Variants in GRB10 observed in about 807,000 individuals in gnomAD.
GRB10 encodes growth factor receptor bound protein 10, also known as growth factor receptor-bound protein 10.
A neutral mutation model predicts 80.9 loss-of-function variants in GRB10; 20 were observed. That is an observed-to-expected ratio of 0.25 (90% CI 0.17 to 0.36). GRB10 has a LOEUF of 0.36. Ranked by LOEUF, GRB10 falls within the 10% of genes least tolerant of loss-of-function variation. The probability of loss-of-function intolerance (pLI) is 1.00; values close to 1 mark genes in which losing one functional copy is unlikely to be tolerated. For missense variants in GRB10, 548 were observed against 747.7 expected (o/e 0.73, Z 3.12); for synonymous variants, 291 against 291.5 (o/e 1.00, Z 0.02).
intron 3 of GRB10, among the ~76,000 whole-genome samples, chr7:50,754,130 C>T: frequency 6.6e-6 from 1 of 152,212 alleles, no homozygotes; most frequent in Non-Finnish European, 1.5e-5. Flanking sequence ...CGCAGGGCTG[C>T]CTTCCTGAAG....
In GRB10 at chr7:50,592,502, C is replaced by T. The variant is rs1378240399; in HGVS notation, c.*450G>A. On this transcript the variant is annotated 3_prime_UTR_variant, in exon 19 of 19. Transcript: ENST00000401949. ...CTGTATTATATGAGTTGAAACGCCA[C>T]ATCCCCCTCCTACAATAGGCTGAAT... The T allele has an allele frequency of 4.6e-6, 1 of 216,058 alleles. No homozygotes were observed. The highest frequency in any genetic ancestry group is 9.4e-6 in the Non-Finnish European group (1 of 105,844). 13.4% of individuals were successfully genotyped at this position (216,058 alleles called of 1,614,324 possible).
intron 4 of GRB10, among the ~76,000 whole-genome samples, chr7:50,725,707 C>T (rs969516105): frequency 1.3e-5 from 2 of 152,262 alleles, no homozygotes; most frequent in Non-Finnish European, 2.9e-5. Flanking sequence ...GGGATTTAAC[C>T]CCCATGATAA....
chr7:50,784,806 C>T (rs1235933648), upstream of GRB10, among the ~76,000 whole-genome samples: 1 of 152,186 alleles, frequency 6.6e-6, no homozygotes, highest in Non-Finnish European at 1.5e-5. Context: ...GAGATGAAGC[C>T]TGATGATATA....
intron 2 of GRB10, among the ~76,000 whole-genome samples, chr7:50,774,268 A>C (rs2077349373): frequency 6.6e-6 from 1 of 152,246 alleles, no homozygotes; most frequent in Non-Finnish European, 1.5e-5. Flanking sequence ...TTGTTCTAAA[A>C]TTGACTATGG....
At chr7:50,600,031 C>A (rs1317240215) in intron 17 of GRB10, among the ~76,000 whole-genome samples, 2 of 152,144 alleles carry the variant, frequency 1.3e-5, no homozygotes. Context: ...GCCACAGCAC[C>A]AAATAAAGCC....
At chr7:50,617,701 C>T (rs151084138) in intron 10 of GRB10, among the ~76,000 whole-genome samples, 19 of 152,294 alleles carry the variant, frequency 1.2e-4, no homozygotes, top group African/African-American at 1.9e-4. Context: ...AGCAGCTAGG[C>T]GGTGGCCTGA....
At chr7:50,703,690 T>C (rs2064569238) in intron 5 of GRB10, 131 bp downstream of exon 5, 1 of 692,140 alleles carries the variant, frequency 1.4e-6, no homozygotes, top group Non-Finnish European at 2.6e-6. Flanking sequence ...TCACTGTCCT[T>C]AATGAGAAAA....
chr7:50,714,611 C>T (rs541138845), intron 4 of GRB10, among the ~76,000 whole-genome samples: 2 of 151,638 alleles, frequency 1.3e-5, no homozygotes, highest in Non-Finnish European at 2.9e-5. Flanking sequence ...TGCAGTGAGC[C>T]GAGATTGCAC....
At chr7:50,630,028 G>A (rs1248114372) in intron 7 of GRB10, among the ~76,000 whole-genome samples, 2 of 152,226 alleles carry the variant, frequency 1.3e-5, no homozygotes, top group Admixed American at 6.5e-5. Flanking sequence ...CACCAGGAAA[G>A]GTGAGAAGCT....
intron 4 of GRB10, among the ~76,000 whole-genome samples, chr7:50,724,802 G>A (rs955216580): frequency 6.6e-5 from 10 of 152,204 alleles, no homozygotes; most frequent in African/African-American, 2.4e-4. Context: ...AGGCCAGAAG[G>A]GAGCACAGTC....
chr7:50,618,067 G>T lies in GRB10; in HGVS notation c.846+4C>A. ...TTCAGCAGAGATCTATTGTGGCCCAGTACCTGCAAAAGCTGGGTTTGACTG... is the reference window on the plus strand; with the variant it reads ...TTCAGCAGAGATCTATTGTGGCCCATTACCTGCAAAAGCTGGGTTTGACTG... On this transcript the variant is annotated splice_donor_region_variant and intron_variant, in intron 10 of 18. Transcript: ENST00000401949. The T allele has an allele frequency of 6.2e-7, 1 of 1,609,772 alleles. No individual in the cohort carries two copies. Among genetic ancestry groups the T allele is most frequent in the Non-Finnish European group, 8.5e-7 (1 of 1,176,026 alleles).
At chr7:50,627,847 C>T (rs956608747) in intron 7 of GRB10, among the ~76,000 whole-genome samples, 3 of 152,254 alleles carry the variant, frequency 2.0e-5, no homozygotes, top group African/African-American at 7.2e-5. Context: ...GTTTCCGTCT[C>T]TCCCCACTGT....
chr7:50,693,988 C>T (rs1478894016), intron 5 of GRB10, among the ~76,000 whole-genome samples: 1 of 151,820 alleles, frequency 6.6e-6, no homozygotes, highest in Non-Finnish European at 1.5e-5. Flanking sequence ...TGGGCAGAGA[C>T]TCTGCAATGC....
Position 50,608,157 on chromosome 7 carries a change from C to T in GRB10, c.1195-1743G>A, listed in dbSNP as rs552413308. 8.5e-5 allele frequency among the ~76,000 whole-genome samples: 13 copies of T among 152,188 alleles called. No individual in the cohort carries two copies. The South Asian group carries it at 2.7e-3, about 32-fold the overall frequency. ...ATTCAGGGTGTAGGATAAGTAAGCCCGCTCCGAGCATATATCATGGAAAAA... is the reference window on the plus strand; with the variant it reads ...ATTCAGGGTGTAGGATAAGTAAGCCTGCTCCGAGCATATATCATGGAAAAA... On this transcript the variant is annotated intron_variant, in intron 13 of 18. Coordinates refer to ENST00000401949, the MANE Select transcript of GRB10 (RefSeq NM_001350814.2).
At chr7:50,683,276 T>C (rs1270743722) in intron 5 of GRB10, among the ~76,000 whole-genome samples, 1 of 152,154 alleles carries the variant, frequency 6.6e-6, no homozygotes, top group African/African-American at 2.4e-5. Context: ...TTCCTAGAGA[T>C]AGTGGAATGG....
intron 5 of GRB10, 95 bp downstream of exon 5, chr7:50,703,726 C>G: frequency 1.2e-6 from 1 of 848,018 alleles, no homozygotes; most frequent in Non-Finnish European, 2.0e-6. Context: ...GAATTGTAAT[C>G]TATTAGTGTC....
At chr7:50,631,625 G>GT (rs2054017926) in intron 7 of GRB10, among the ~76,000 whole-genome samples, 1 of 152,206 alleles carries the variant, frequency 6.6e-6, no homozygotes, top group Admixed American at 6.5e-5. Flanking sequence ...CATTCACAGG[G>GT]TAAGAGAAAT....
At chr7:50,753,085 A>G (rs2074418155) in intron 3 of GRB10, among the ~76,000 whole-genome samples, 1 of 152,188 alleles carries the variant, frequency 6.6e-6, no homozygotes, top group Non-Finnish European at 1.5e-5. Flanking sequence ...CCTGAGGCCC[A>G]GCTGATTCCC....
rs762244595 is a variant in GRB10, at chr7:50,619,256, C to T, written c.691G>A (p.Val231Ile). The T allele has an allele frequency of 1.9e-6, 3 of 1,612,722 alleles. No homozygotes were observed. The Admixed American group carries it at 5.0e-5, about 27-fold the overall frequency. ...CTGGCCATGGTACTCTCCACCTGGA[C>T]CACCAGCTCATGGTCTTCCAAGCAC... ...ERCLEDHELV[V>I]QVESTMASES... The change falls in exon 9 of 19, where the codon GTC becomes ATC. Residue 231 changes from valine (V) to isoleucine (I), a missense_variant. Coordinates refer to ENST00000401949, the MANE Select transcript of GRB10 (RefSeq NM_001350814.2).
Sources: allele counts gnomAD v4.1 joint callset (sites outside exome capture counted in the v4.1 genomes callset), GRCh38; gene constraint gnomAD v4.1.1; transcripts MANE v1.5; gene names NCBI Gene and HGNC (gene_info 2026-07-23, HGNC 2026-07-21).